Variants in CNNM3 observed in about 807,000 individuals in gnomAD.
CNNM3 encodes the protein metal transporter CNNM3.
A neutral mutation model predicts 57.1 loss-of-function variants in CNNM3; 47 were observed. The observed-to-expected ratio is 0.82, with a 90% confidence interval of 0.65 to 1.05. The LOEUF (loss-of-function observed/expected upper bound fraction) is 1.05. Ranked by LOEUF, CNNM3 falls within the 50% of genes least tolerant of loss-of-function variation. The pLI, the probability that CNNM3 is intolerant of heterozygous loss-of-function variation, is 0.00. For missense variants in CNNM3, 957 were observed against 973.7 expected, an observed-to-expected ratio of 0.98 and a Z score of 0.23; for synonymous variants, 507 against 478.2, an observed-to-expected ratio of 1.06 and a Z score of -0.79.
intron 1 of CNNM3, among the ~76,000 whole-genome samples, chr2:96,823,625 C>T (rs1168309648): frequency 6.6e-6 from 1 of 152,236 alleles, no homozygotes; most frequent in Admixed American, 6.5e-5. Flanking sequence ...TGCAAGCATC[C>T]TGGAGAACTG....
At chr2:96,831,829 C>A in intron 7 of CNNM3, 1 of 245,514 alleles carries the variant, frequency 4.1e-6, no homozygotes, top group Non-Finnish European at 6.5e-6. Flanking sequence ...CAGCGCAGCA[C>A]CAGCACTGCA....
intron 7 of CNNM3, chr2:96,832,262 C>T (rs1045063365): frequency 2.0e-6 from 2 of 985,224 alleles, no homozygotes; most frequent in Non-Finnish European, 2.4e-6. Flanking sequence ...TGCTTCCTTC[C>T]AGCACAGGGT....
Position 96,835,269 on chromosome 2 carries a change from T to C in CNNM3, c.*2653T>C, listed in dbSNP as rs896205014. On this transcript the variant is annotated 3_prime_UTR_variant, in exon 8 of 8. Coordinates refer to ENST00000305510, the MANE Select transcript of CNNM3 (RefSeq NM_017623.5). ...GGCATTGCATGTGTCAACAGTTTGC[T>C]CCTTTTTATTGCTGAGTGGTATTCC... Among the ~76,000 whole-genome samples the C allele has an allele frequency of 1.3e-5, 2 of 152,210 alleles. No individual in the cohort carries two copies. The highest frequency in any genetic ancestry group is 4.8e-5 in the African/African-American group (2 of 41,446).
Position 96,825,070 on chromosome 2 carries a change from T to C in CNNM3, c.1238T>C (p.Leu413Pro). The change falls in exon 2 of 8, where the codon CTG (leucine) becomes CCG (proline). Residue 413 changes from leucine to proline, a missense_variant. By Grantham distance (98) the Leu-to-Pro change is moderately conservative (BLOSUM62 -3). This residue lies in a region of CNNM3 where 491 missense variants were observed against 570.6 expected (regional missense o/e 0.86). Transcript: ENST00000305510. ...LEEFKRGKSH[L>P]AIVQKVNNEG... ...CCTCCCCCCACAGGGAAGTCCCACC[T>C]GGCCATCGTGCAGAAGGTGAACAAC... 1 of 1,612,830 alleles carries C rather than the reference T, an allele frequency of 6.2e-7. No individual in the cohort carries two copies. Among genetic ancestry groups the C allele is most frequent in the South Asian group, 1.1e-5 (1 of 91,016 alleles).
At chr2:96,819,347 C>T (rs2079372708) in intron 1 of CNNM3, among the ~76,000 whole-genome samples, 1 of 152,202 alleles carries the variant, frequency 6.6e-6, no homozygotes, top group East Asian at 1.9e-4. Context: ...GCCCCCAGGC[C>T]CTGAAGGCTG....
At chr2:96,836,772 G>A (rs1377789809), downstream of CNNM3, 1 of 152,180 alleles carries the variant, frequency 6.6e-6, no homozygotes, top group Non-Finnish European at 1.5e-5. Flanking sequence ...ATGGACTGTT[G>A]CTTTTAGTGT....
Position 96,816,534 on chromosome 2 carries a change from GCCGGGAGGAGGCGGCCTC to G in CNNM3, c.260_277del (p.Arg87_Ser92del), listed in dbSNP as rs2079320498. On this transcript the variant is annotated inframe_deletion, in exon 1 of 8. Transcript: ENST00000305510. ...TGGGTGGCCCCGGAGGGGGCGGGCTGCCGGGAGGAGGCGGCCTCCCCCGCGGGCGAGTGGCGCGCGCTG... is the reference window on the plus strand; with the variant it reads ...TGGGTGGCCCCGGAGGGGGCGGGCTGCCCCGCGGGCGAGTGGCGCGCGCTG... 5 of 1,351,628 alleles carry G rather than the reference GCCGGGAGGAGGCGGCCTC, an allele frequency of 3.7e-6. No homozygotes were observed. The highest frequency in any genetic ancestry group is 4.7e-6 in the Non-Finnish European group (5 of 1,052,836). 83.7% of individuals were successfully genotyped at this position (1,351,628 alleles called of 1,614,324 possible).
At chr2:96,830,971 A>G (rs543485256) in intron 7 of CNNM3, among the ~76,000 whole-genome samples, 26 of 152,234 alleles carry the variant, frequency 1.7e-4, no homozygotes, top group Non-Finnish European at 1.8e-4. Flanking sequence ...TGGTTCTCCC[A>G]CATGTGAGCC....
intron 2 of CNNM3, 125 bp from the exon 3 acceptor site, chr2:96,826,708 C>T: frequency 8.8e-7 from 1 of 1,138,378 alleles, no homozygotes; most frequent in Non-Finnish European, 1.3e-6. Context: ...CCCTGGCGTT[C>T]CGATGCTGCT....
At chr2:96,826,699 C>T in intron 2 of CNNM3, 134 bp from the exon 3 acceptor site, 1 of 1,021,248 alleles carries the variant, frequency 9.8e-7, no homozygotes, top group Non-Finnish European at 1.5e-6. Context: ...AGGACATGTC[C>T]CTGGCGTTCC....
Position 96,826,980 on chromosome 2 carries a change from G to T in CNNM3, c.1517G>T (p.Arg506Leu). ...TTGGCCACCCAGCGCTTCCTGTCCC[G>T]AGGTGAGGCGGGAGGGTGGTCCATG... ...LLLATQRFLS[R>L]EVDVFSPLRI... Residue 506 changes from arginine to leucine, a missense_variant and splice_region_variant, in exon 3 of 8, where the codon CGA becomes CTA. Coordinates refer to ENST00000305510, the MANE Select transcript of CNNM3 (RefSeq NM_017623.5). 6.2e-7 allele frequency: 1 copy of T among 1,613,670 alleles called. No homozygotes were observed.
intron 7 of CNNM3, chr2:96,832,251 G>C (rs933842992): frequency 3.0e-6 from 3 of 985,214 alleles, no homozygotes; most frequent in Non-Finnish European, 3.6e-6. Flanking sequence ...GTGGAAAATG[G>C]TGCTTCCTTC....
chr2:96,825,496 C>T (rs558830617), intron 2 of CNNM3, among the ~76,000 whole-genome samples: 1 of 152,376 alleles, frequency 6.6e-6, no homozygotes, highest in Admixed American at 6.5e-5. Flanking sequence ...TGAGAGAGCT[C>T]TGCCCTTCAT....
In CNNM3 at chr2:96,829,132, C is replaced by T; in HGVS notation, c.2057C>T (p.Ala686Val). The T allele has an allele frequency of 6.2e-6, 10 of 1,613,830 alleles. No individual in the cohort carries two copies. Among genetic ancestry groups the T allele is most frequent in the Non-Finnish European group, 7.6e-6 (9 of 1,179,940 alleles). ...RLLGEKTTTA[A>V]GSSHSRPGVP... ...CTTGGTGAGAAGACCACCACAGCGG[C>T]AGGTGAGTGCCAAGTGGTACATCGT... is the stretch of plus-strand genomic sequence containing the variant. The change falls in exon 7 of 8, where the codon GCA becomes GTA. Residue 686 changes from alanine (A) to valine (V), a missense_variant and splice_region_variant. Ala to Val is a moderately conservative substitution (Grantham distance 64, BLOSUM62 0). This residue lies in a region of CNNM3 where 491 missense variants were observed against 570.6 expected (regional missense o/e 0.86). Transcript: ENST00000305510.
intron 2 of CNNM3, among the ~76,000 whole-genome samples, 162 bp from the exon 3 acceptor site, chr2:96,826,671 G>A (rs548130765): frequency 2.0e-5 from 3 of 152,302 alleles, no homozygotes; most frequent in South Asian, 2.1e-4. Context: ...AGCAGGCCCC[G>A]TGGAGGGAGC....
rs776286499 is a variant in CNNM3 at position 96,827,744 on chromosome 2, C to T, written c.1533C>T (p.Phe511=). ...CACCACGTGCAGAAGTGGATGTATT[C>T]AGCCCGCTGCGCATCTCTGAGAAGG... ...QRFLSREVDV[F]SPLRISEKVL... is the part of the protein sequence containing the mutation. The change falls in exon 4 of 8, where the codon TTC becomes TTT. Residue 511 remains phenylalanine, a synonymous_variant. Coordinates refer to ENST00000305510, the MANE Select transcript of CNNM3 (RefSeq NM_017623.5). 3 of 1,613,744 alleles carry T rather than the reference C, an allele frequency of 1.9e-6. No homozygotes were observed. The African/African-American group carries it at 4.0e-5, about 22-fold the overall frequency.
In CNNM3 at chr2:96,827,723, A is replaced by G. The variant is rs1348801765; in HGVS notation, c.1520-8A>G. ...GTGGACACTGTCCCTTTTTTCCACC[A>G]CGTGCAGAAGTGGATGTATTCAGCC... On this transcript the variant is annotated splice_polypyrimidine_tract_variant and splice_region_variant and intron_variant, in intron 3 of 7. Transcript: ENST00000305510. The G allele has an allele frequency of 1.2e-6, 2 of 1,606,886 alleles. No homozygotes were observed. Among genetic ancestry groups the G allele is most frequent in the Non-Finnish European group, 1.7e-6 (2 of 1,175,280 alleles).
chr2:96,828,002 C>T lies in CNNM3; in HGVS notation c.1690-97C>T, dbSNP rs1045355546. The T allele has an allele frequency of 5.1e-6, 8 of 1,560,530 alleles. No individual in the cohort carries two copies. The Admixed American group carries it at 8.4e-5, about 16-fold the overall frequency. On this transcript the variant is annotated intron_variant, in intron 4 of 7. Transcript: ENST00000305510. ...GGGCATGCGGATATGCACCCTCCCA[C>T]CCCAAACAATTGAGGTGGTGGGTTT...
Position 96,829,050 on chromosome 2 carries a change from C to T in CNNM3, c.1975C>T (p.Pro659Ser), listed in dbSNP as rs907261063. Residue 659 changes from proline to serine, a missense_variant, in exon 7 of 8, where the codon CCA (proline) becomes TCA (serine). By Grantham distance (74) the Pro-to-Ser change is moderately conservative (BLOSUM62 -1). Around this residue, in one of 2 missense-constraint regions of CNNM3, gnomAD observed 491 missense variants for 570.6 expected, o/e 0.86. Coordinates refer to ENST00000305510, the MANE Select transcript of CNNM3 (RefSeq NM_017623.5). ...CCTGGCTACCCGAGCCCAGAACCTG[C>T]CACAGTCCCCTGAGAACACCGACCT... Reference protein sequence around the residue: ...ALLATRAQNLPQSPENTDLQV... With the variant: ...ALLATRAQNLSQSPENTDLQV... The T allele has an allele frequency of 1.2e-6, 2 of 1,613,932 alleles. No homozygotes were observed. The highest frequency in any genetic ancestry group is 2.7e-5 in the African/African-American group (2 of 74,868).
Sources: gnomAD v4.1 joint callset for allele counts (sites outside exome capture counted in the v4.1 genomes callset) on GRCh38, gnomAD v4.1.1 for gene constraint, gnomAD v4.1.1 regional missense constraint, MANE v1.5 for transcripts, NCBI Gene and HGNC (gene_info 2026-07-23, HGNC 2026-07-21) for gene names.